The following SUPT3H variants were observed in gnomAD, a reference collection of about 807,000 sequenced individuals.
SUPT3H encodes transcription initiation protein SPT3 homolog.
SUPT3H carries 44 observed loss-of-function variants against 44.3 expected under a neutral mutation model. The observed-to-expected ratio is 0.99, with a 90% CI of 0.78 to 1.28. The LOEUF (loss-of-function observed/expected upper bound fraction) is 1.28, where lower values mean the gene tolerates loss of function less well. Among genes scored for constraint, SUPT3H ranks in the 50% most tolerant of loss-of-function variants. The probability of loss-of-function intolerance (pLI) is 0.00; values close to 1 mark genes in which losing one functional copy is unlikely to be tolerated. For missense variants in SUPT3H, 380 were observed against 387.1 expected, an observed-to-expected ratio of 0.98 and a Z score of 0.15; for synonymous variants, 124 against 125.6, an observed-to-expected ratio of 0.99 and a Z score of 0.09.
At chr6:45,289,251 T>C (rs532582780) in intron 2 of SUPT3H, among the ~76,000 whole-genome samples, 1 of 152,032 alleles carries the variant, frequency 6.6e-6, no homozygotes, top group Non-Finnish European at 1.5e-5. Flanking sequence ...TTTATATCCC[T>C]ACCATAAAAA....
At chr6:45,347,399 G>C (rs899454734) in intron 2 of SUPT3H, among the ~76,000 whole-genome samples, 1 of 151,918 alleles carries the variant, frequency 6.6e-6, no homozygotes, top group African/African-American at 2.4e-5. Context: ...AAATCTTTTG[G>C]TGGTAGATGT....
At chr6:45,003,999 T>C (rs1409105426) in intron 5 of SUPT3H, among the ~76,000 whole-genome samples, 2 of 152,132 alleles carry the variant, frequency 1.3e-5, no homozygotes, top group Non-Finnish European at 2.9e-5. Flanking sequence ...AATGAAAGAA[T>C]AGAACCAAAT....
At chr6:45,099,525 A>G (rs1012966103) in intron 3 of SUPT3H, among the ~76,000 whole-genome samples, 3 of 152,198 alleles carry the variant, frequency 2.0e-5, no homozygotes, top group Non-Finnish European at 2.9e-5. Flanking sequence ...ATAGAAATAC[A>G]TGAAGAATTC....
chr6:45,127,629 A>C (rs1802643672), intron 2 of SUPT3H, among the ~76,000 whole-genome samples: 1 of 152,096 alleles, frequency 6.6e-6, no homozygotes, highest in Admixed American at 6.6e-5. Flanking sequence ...TGTAGCTAGG[A>C]GTTTATCTGT....
At chr6:45,197,730 A>G (rs1042805740) in intron 2 of SUPT3H, 6 of 224,918 alleles carry the variant, frequency 2.7e-5, no homozygotes, top group Middle Eastern at 1.4e-3. Context: ...GCCCACATGT[A>G]TTGGGACCTA....
At chr6:45,303,524 C>T (rs1280585010) in intron 2 of SUPT3H, among the ~76,000 whole-genome samples, 1 of 152,122 alleles carries the variant, frequency 6.6e-6, no homozygotes, top group Non-Finnish European at 1.5e-5. Flanking sequence ...AAATGCTTAA[C>T]ATCACTAAGG....
rs1355701893 is a variant in SUPT3H at position 45,057,517 on chromosome 6, A to G, written c.187-36885T>C. Among the ~76,000 whole-genome samples the G allele has an allele frequency of 3.3e-5, 5 of 152,272 alleles. No individual in the cohort carries two copies. The East Asian group carries it at 5.8e-4, about 18-fold the overall frequency. On this transcript the variant is annotated intron_variant, in intron 3 of 10. Transcript: ENST00000371459. ...AAAAACAAAAAAACAAAACAAAAAAAACCTAATAGAGCCTGACAAAGTGAA... is the reference window on the plus strand; with the variant it reads ...AAAAACAAAAAAACAAAACAAAAAAGACCTAATAGAGCCTGACAAAGTGAA...
chr6:45,337,975 A>G (rs1788940947), intron 2 of SUPT3H, among the ~76,000 whole-genome samples: 1 of 151,972 alleles, frequency 6.6e-6, no homozygotes, highest in Non-Finnish European at 1.5e-5. Context: ...AGGATTCTAA[A>G]TGCTTCTTTC....
chr6:44,939,128 G>A (rs1771975451), intron 9 of SUPT3H, among the ~76,000 whole-genome samples: 1 of 152,098 alleles, frequency 6.6e-6, no homozygotes, highest in South Asian at 2.1e-4. Flanking sequence ...GTTAAAGTGG[G>A]CATCATTGTC....
chr6:45,277,245 A>G (rs1777170872), intron 2 of SUPT3H, among the ~76,000 whole-genome samples: 1 of 152,200 alleles, frequency 6.6e-6, no homozygotes, highest in African/African-American at 2.4e-5. Context: ...AGAAGTGTCC[A>G]AATTATATAT....
At chr6:45,222,741 T>A (rs893585759) in intron 2 of SUPT3H, among the ~76,000 whole-genome samples, 1 of 152,146 alleles carries the variant, frequency 6.6e-6, no homozygotes, top group East Asian at 1.9e-4. Flanking sequence ...AAATTCTGTA[T>A]ATAAATGTTC....
chr6:44,930,136 TG>T (rs1770319216), intron 10 of SUPT3H, among the ~76,000 whole-genome samples: 1 of 152,162 alleles, frequency 6.6e-6, no homozygotes, highest in South Asian at 2.1e-4. Context: ...CCCAGCACTT[TG>T]GGAGGCTGAG....
intron 7 of SUPT3H, among the ~76,000 whole-genome samples, chr6:44,956,671 T>C (rs1250558389): frequency 6.6e-6 from 1 of 152,120 alleles, no homozygotes; most frequent in Non-Finnish European, 1.5e-5. Flanking sequence ...CCAAGCAGCC[T>C]TTAAGATATT....
At chr6:45,351,771 C>T (rs1792103124) in intron 2 of SUPT3H, among the ~76,000 whole-genome samples, 1 of 152,098 alleles carries the variant, frequency 6.6e-6, no homozygotes, top group South Asian at 2.1e-4. Context: ...ATTTCAATAG[C>T]CTTCTGCCAC....
chr6:44,887,902 A>G (rs1762584666), intron 10 of SUPT3H, among the ~76,000 whole-genome samples: 1 of 152,052 alleles, frequency 6.6e-6, no homozygotes, highest in Non-Finnish European at 1.5e-5. Context: ...AGAGAGAAGA[A>G]CCAAATAGAG....
intron 2 of SUPT3H, among the ~76,000 whole-genome samples, chr6:45,185,665 C>A (rs966922115): frequency 3.3e-5 from 5 of 152,204 alleles, no homozygotes; most frequent in African/African-American, 1.2e-4. Flanking sequence ...CCTCTGTTCC[C>A]CCAGTAAAGC....
chr6:45,365,164 A>G, intron 2 of SUPT3H, 37 bp downstream of exon 2: 1 of 1,240,890 alleles, frequency 8.1e-7, no homozygotes, highest in East Asian at 2.4e-5. Context: ...AATAAATTTA[A>G]AATAGTAATA....
chr6:45,177,059 G>A (rs1812077651), intron 2 of SUPT3H, among the ~76,000 whole-genome samples: 1 of 152,212 alleles, frequency 6.6e-6, no homozygotes, highest in Non-Finnish European at 1.5e-5. Context: ...ACGGAACAAA[G>A]CTGGACGGAG....
intron 2 of SUPT3H, among the ~76,000 whole-genome samples, chr6:45,340,399 C>T (rs957076703): frequency 5.9e-5 from 9 of 152,142 alleles, no homozygotes; most frequent in Non-Finnish European, 1.2e-4. Flanking sequence ...TCACAGCTCA[C>T]TGCAACTTTG....
Sources: gnomAD v4.1 joint callset for allele counts (sites outside exome capture counted in the v4.1 genomes callset) on GRCh38, gnomAD v4.1.1 for gene constraint, MANE v1.5 for transcripts, NCBI Gene and HGNC (gene_info 2026-07-23, HGNC 2026-07-21) for gene names.